The following UBLCP1 variants were observed in gnomAD, a reference collection of about 807,000 sequenced individuals.
UBLCP1 encodes the protein ubiquitin like domain containing CTD phosphatase 1, also known as ubiquitin-like domain-containing CTD phosphatase 1.
A neutral mutation model predicts 42.4 loss-of-function variants in UBLCP1; 28 were observed. The ratio of observed to expected loss-of-function variants is 0.66; its 90% CI spans 0.49 to 0.90. The LOEUF (loss-of-function observed/expected upper bound fraction) is 0.90, where lower values mean the gene tolerates loss of function less well. UBLCP1 is among the 40% of genes least tolerant of loss of function. The probability of loss-of-function intolerance (pLI) is 0.00; values close to 1 mark genes in which losing one functional copy is unlikely to be tolerated. For synonymous variants in UBLCP1, 122 were observed against 120.8 expected, an observed-to-expected ratio of 1.01 and a Z score of -0.07; for missense variants, 279 against 374.5, an observed-to-expected ratio of 0.75 and a Z score of 2.10.
chr5:159,285,748 A>AT lies in UBLCP1; in HGVS notation c.*819dup, dbSNP rs1753672110. Reference sequence around the variant, plus strand: ...AATTTTTAAAAGGGACATATCACTGATTCATTCCTAAAAAGCATGAACAAA... The same window carrying AT: ...AATTTTTAAAAGGGACATATCACTGATTTCATTCCTAAAAAGCATGAACAAA... On this transcript the variant is annotated 3_prime_UTR_variant, in exon 11 of 11. Coordinates refer to ENST00000296786, the MANE Select transcript of UBLCP1 (RefSeq NM_145049.5). 1 of 152,658 alleles carries AT rather than the reference A, an allele frequency of 6.6e-6. No individual in the cohort carries two copies. The highest frequency in any genetic ancestry group is 2.1e-4 in the South Asian group (1 of 4,838). 9.5% of individuals were successfully genotyped at this position (152,658 alleles called of 1,614,324 possible).
intron 1 of UBLCP1, among the ~76,000 whole-genome samples, chr5:159,265,641 C>T (rs371725893): frequency 5.3e-5 from 8 of 152,254 alleles, no homozygotes; most frequent in East Asian, 3.9e-4. Context: ...CGATTTTTCC[C>T]GTGCTATTCT....
chr5:159,269,167 C>G, intron 2 of UBLCP1, 98 bp downstream of exon 2: 1 of 910,078 alleles, frequency 1.1e-6, no homozygotes, highest in Non-Finnish European at 1.5e-6. Flanking sequence ...TTTATACTTG[C>G]TATTTGTAGT....
At chr5:159,283,383 G>A in intron 10 of UBLCP1, 44 bp downstream of exon 10, 1 of 1,479,092 alleles carries the variant, frequency 6.8e-7, no homozygotes, top group Admixed American at 2.3e-5. Flanking sequence ...CATCAATGAA[G>A]AAAAAATTAT....
chr5:159,264,049 T>C (rs1753341780), intron 1 of UBLCP1, among the ~76,000 whole-genome samples: 2 of 152,192 alleles, frequency 1.3e-5, no homozygotes, highest in Admixed American at 1.3e-4. Flanking sequence ...TTGTATTGTG[T>C]TTTACAGTTT....
rs752405893 is a variant in UBLCP1, at chr5:159,284,904, A to T, written c.930A>T (p.Arg310Ser). The T allele has an allele frequency of 6.2e-7, 1 of 1,613,034 alleles. No individual in the cohort carries two copies. Among genetic ancestry groups the T allele is most frequent in the Non-Finnish European group, 8.5e-7 (1 of 1,179,414 alleles). Residue 310 changes from arginine to serine, a missense_variant and splice_region_variant, in exon 11 of 11, where the codon AGA (arginine) becomes AGT (serine). Arg to Ser is a moderately radical substitution (Grantham distance 110). Transcript: ENST00000296786. ...GACATCTTTATTTTATTTCTTGCAG[A>T]TATCTCTCAAAGAAGCAAGGACAGT... ...FLDLNHKYWE[R>S]YLSKKQGQ
chr5:159,271,546 C>T (rs960236357), intron 5 of UBLCP1, among the ~76,000 whole-genome samples: 1 of 152,164 alleles, frequency 6.6e-6, no homozygotes, highest in Admixed American at 6.5e-5. Context: ...TAGTTAACTT[C>T]TGATACTGGA....
intron 1 of UBLCP1, among the ~76,000 whole-genome samples, chr5:159,267,515 T>C (rs1753414117): frequency 6.6e-6 from 1 of 152,174 alleles, no homozygotes; most frequent in South Asian, 2.1e-4. Flanking sequence ...AATGCTGAAA[T>C]GAATTAAGAC....
chr5:159,276,994 A>G (rs1334802644), intron 8 of UBLCP1, among the ~76,000 whole-genome samples: 1 of 152,146 alleles, frequency 6.6e-6, no homozygotes. Context: ...GTTTTGGGGA[A>G]CATAGGTGCT....
chr5:159,277,727 A>C (rs1753555687), intron 8 of UBLCP1, among the ~76,000 whole-genome samples: 1 of 152,168 alleles, frequency 6.6e-6, no homozygotes, highest in Admixed American at 6.5e-5. Context: ...ATTCCCTAGA[A>C]ATTATGCACC....
intron 9 of UBLCP1, among the ~76,000 whole-genome samples, chr5:159,281,921 T>C (rs1191224337): frequency 6.6e-6 from 1 of 151,938 alleles, no homozygotes; most frequent in Non-Finnish European, 1.5e-5. Context: ...AATATACTAA[T>C]ACTTTGCTAA....
intron 1 of UBLCP1, among the ~76,000 whole-genome samples, chr5:159,263,818 A>G (rs1173843387): frequency 6.6e-6 from 1 of 152,134 alleles, no homozygotes; most frequent in Non-Finnish European, 1.5e-5. Context: ...TTTTGCTGGG[A>G]TTGTTGAAAG....
Position 159,268,969 on chromosome 5 carries a change from A to G in UBLCP1, c.54A>G (p.Thr18=). The part of the protein sequence containing the change: ...KWGGQEYSVT[T]LSEDDTVLDL... ...GTGGACAGGAGTATTCAGTGACCAC[A>G]CTTTCAGAAGATGATACTGTGCTCG... Residue 18 remains threonine, a synonymous_variant, in exon 2 of 11, where the codon ACA becomes ACG. Transcript: ENST00000296786. 1 of 1,612,320 alleles carries G rather than the reference A, an allele frequency of 6.2e-7. No individual in the cohort carries two copies. Among genetic ancestry groups the G allele is most frequent in the South Asian group, 1.1e-5 (1 of 90,616 alleles).
chr5:159,276,948 A>G (rs1753545247), intron 8 of UBLCP1, among the ~76,000 whole-genome samples: 1 of 152,130 alleles, frequency 6.6e-6, no homozygotes, highest in South Asian at 2.1e-4. Flanking sequence ...TGTAGTTAGC[A>G]ATATTACTTT....
At chr5:159,280,150 T>C (rs930874578) in intron 9 of UBLCP1, among the ~76,000 whole-genome samples, 1 of 152,210 alleles carries the variant, frequency 6.6e-6, no homozygotes, top group African/African-American at 2.4e-5. Flanking sequence ...CAGAGGTAGA[T>C]TTAGACACTC....
chr5:159,285,051 G>T lies in UBLCP1; in HGVS notation c.*120G>T. 1.1e-6 allele frequency: 1 copy of T among 899,168 alleles called. No individual in the cohort carries two copies. 55.7% of individuals were successfully genotyped at this position (899,168 alleles called of 1,614,324 possible). ...GCAAATACCATACTGCTTATACTTG[G>T]TCTTCCAGTTTTTTGTAAATTTAAT... On this transcript the variant is annotated 3_prime_UTR_variant, in exon 11 of 11. Transcript: ENST00000296786.
At chr5:159,280,014 G>T (rs749787333) in intron 9 of UBLCP1, among the ~76,000 whole-genome samples, 1 of 152,128 alleles carries the variant, frequency 6.6e-6, no homozygotes, top group Non-Finnish European at 1.5e-5. Flanking sequence ...TGCAGGGAGA[G>T]ATGTTATTGT....
In UBLCP1 at chr5:159,278,881, T is replaced by C. The variant is rs142234210; in HGVS notation, c.801+527T>C. Among the ~76,000 whole-genome samples, 71 of 152,316 alleles carry C rather than the reference T, an allele frequency of 4.7e-4. 1 individual carries two copies. The East Asian group carries it at 0.013, about 27-fold the overall frequency. On this transcript the variant is annotated intron_variant, in intron 9 of 10. Transcript: ENST00000296786. ...GCCACTGCGCCCGGCCCAAGTGTTT[T>C]ATTTTTAATTAGCTCTGTGGGAGCA...
chr5:159,268,964 A>G lies in UBLCP1; in HGVS notation c.49A>G (p.Thr17Ala). The G allele has an allele frequency of 6.2e-7, 1 of 1,612,214 alleles. No individual in the cohort carries two copies. Among genetic ancestry groups the G allele is most frequent in the African/African-American group, 1.3e-5 (1 of 74,926 alleles). ...VKWGGQEYSV[T>A]TLSEDDTVLD... is the part of the protein sequence containing the mutation. ...ATGGGGTGGACAGGAGTATTCAGTG[A>G]CCACACTTTCAGAAGATGATACTGT... The change falls in exon 2 of 11, where the codon ACC becomes GCC. Residue 17 changes from threonine to alanine, a missense_variant. By Grantham distance (58) the Thr-to-Ala change is moderately conservative. Coordinates refer to ENST00000296786, the MANE Select transcript of UBLCP1 (RefSeq NM_145049.5).
intron 1 of UBLCP1, among the ~76,000 whole-genome samples, chr5:159,263,994 A>G (rs552265302): frequency 1.7e-4 from 26 of 152,210 alleles, no homozygotes; most frequent in Non-Finnish European, 3.4e-4. Context: ...TGAAGCTTCA[A>G]TGAGATAATT....
Sources: gnomAD v4.1 joint callset for allele counts (sites outside exome capture counted in the v4.1 genomes callset) on GRCh38, gnomAD v4.1.1 for gene constraint, MANE v1.5 for transcripts, NCBI Gene and HGNC (gene_info 2026-07-23, HGNC 2026-07-21) for gene names.